Variants in GREB1L observed in about 807,000 individuals in gnomAD.
GREB1L encodes the protein GREB1 like retinoic acid receptor coactivator, also known as GREB1-like protein.
GREB1L carries 17 observed loss-of-function variants against 200.8 expected under a neutral mutation model. The ratio of observed to expected loss-of-function variants is 0.08; its 90% CI spans 0.06 to 0.13. The LOEUF is 0.13. Ranked by LOEUF, GREB1L falls within the 10% of genes least tolerant of loss-of-function variation. The probability of loss-of-function intolerance (pLI) is 1.00; values close to 1 mark genes in which losing one functional copy is unlikely to be tolerated. For missense variants in GREB1L, 1,657 were observed against 2,367.7 expected (o/e 0.70, Z 6.23); for synonymous variants, 789 against 893.0 (o/e 0.88, Z 2.08).
chr18:21,253,369 G>C (rs2037745273), intron 1 of GREB1L, among the ~76,000 whole-genome samples: 2 of 149,550 alleles, frequency 1.3e-5, no homozygotes, highest in Middle Eastern at 3.5e-3. Flanking sequence ...TCTAATCCCA[G>C]CCTCCTTAGT....
intron 7 of GREB1L, among the ~76,000 whole-genome samples, chr18:21,418,500 G>GT (rs2031856875): frequency 6.6e-6 from 1 of 151,556 alleles, no homozygotes; most frequent in African/African-American, 2.4e-5. Flanking sequence ...TATTTTTATT[G>GT]TTTTTTAAAA....
chr18:21,303,474 C>T (rs367792588), intron 1 of GREB1L, among the ~76,000 whole-genome samples: 12 of 152,046 alleles, frequency 7.9e-5, no homozygotes, highest in African/African-American at 1.9e-4. Context: ...AACATTTTTC[C>T]GGAGACTTTA....
At chr18:21,416,943 C>G (rs904224951) in intron 7 of GREB1L, among the ~76,000 whole-genome samples, 1 of 151,958 alleles carries the variant, frequency 6.6e-6, no homozygotes, top group Admixed American at 6.6e-5. Flanking sequence ...AGGAGAATCA[C>G]TGGGAGGCAG....
Position 21,490,316 on chromosome 18 carries a change from C to A in GREB1L, c.2995C>A (p.Leu999Ile). ...CATCCTTGGGAACCCGGCCACCGAA[C>A]TCAGTGTTGCAACTCACTTTGTGGC... ...EIILGNPATE[L>I]SVATHFVARL... The change falls in exon 19 of 33, where the codon CTC (leucine) becomes ATC (isoleucine). Residue 999 changes from leucine to isoleucine, a missense_variant. Transcript: ENST00000424526. 2 of 1,551,796 alleles carry A rather than the reference C, an allele frequency of 1.3e-6. No homozygotes were observed. The highest frequency in any genetic ancestry group is 1.7e-6 in the Non-Finnish European group (2 of 1,146,932).
Position 21,244,568 on chromosome 18 carries a change from G to C in GREB1L, c.-120+2175G>C, listed in dbSNP as rs78280153. Among the ~76,000 whole-genome samples, 1,226 of 152,240 alleles carry C rather than the reference G, an allele frequency of 8.1e-3. 20 individuals carry two copies. Among genetic ancestry groups the C allele is most frequent in the African/African-American group, 0.027 (1,113 of 41,550 alleles). ...GGTCCTTCGAACTCCAGAGTTCTAC[G>C]ATTAAAATAGTTGTCCTAAAACTGG... On this transcript the variant is annotated intron_variant, in intron 1 of 32. Transcript: ENST00000424526.
intron 1 of GREB1L, among the ~76,000 whole-genome samples, chr18:21,279,784 T>TGAG (rs2038237440): frequency 1.3e-5 from 2 of 152,304 alleles, no homozygotes; most frequent in East Asian, 3.9e-4. Flanking sequence ...TAGCTGGGAC[T>TGAG]ACAGGTGCAT....
intron 1 of GREB1L, among the ~76,000 whole-genome samples, chr18:21,297,030 G>A (rs2038540593): frequency 6.6e-6 from 1 of 152,110 alleles, no homozygotes. Context: ...CCGAGGTGAG[G>A]GACCATTGCT....
chr18:21,389,738 A>T (rs1351318961), intron 4 of GREB1L, among the ~76,000 whole-genome samples: 1 of 152,186 alleles, frequency 6.6e-6, no homozygotes, highest in Admixed American at 6.5e-5. Flanking sequence ...GCTCAGCAGA[A>T]ATGTCAGTCT....
intron 1 of GREB1L, among the ~76,000 whole-genome samples, chr18:21,305,098 C>T (rs552773801): frequency 4.7e-4 from 71 of 152,206 alleles, no homozygotes; most frequent in Non-Finnish European, 6.5e-4. Flanking sequence ...GCCTCAGCCT[C>T]CCGAGTAGCT....
At chr18:21,284,178 A>AT (rs1448589500) in intron 1 of GREB1L, among the ~76,000 whole-genome samples, 1 of 152,194 alleles carries the variant, frequency 6.6e-6, no homozygotes, top group African/African-American at 2.4e-5. Flanking sequence ...AAAAAGCTCT[A>AT]TTGAGCTATA....
intron 2 of GREB1L, among the ~76,000 whole-genome samples, chr18:21,374,944 T>C (rs574731494): frequency 1.4e-4 from 21 of 151,174 alleles, no homozygotes; most frequent in Middle Eastern, 3.4e-3. Flanking sequence ...CCTCAACTTC[T>C]GGGCTCAAGC....
chr18:21,506,039 C>G, intron 25 of GREB1L, 90 bp downstream of exon 25: 1 of 1,300,232 alleles, frequency 7.7e-7, no homozygotes, highest in East Asian at 2.6e-5. Context: ...AATAAGGCCC[C>G]TAGTTTCAGG....
intron 2 of GREB1L, among the ~76,000 whole-genome samples, chr18:21,375,945 T>A (rs2040053507): frequency 6.6e-6 from 1 of 152,170 alleles, no homozygotes; most frequent in Admixed American, 6.5e-5. Context: ...CAGCTACTAT[T>A]ATATTAACTG....
At chr18:21,456,539 A>G (rs1226610991) in intron 15 of GREB1L, among the ~76,000 whole-genome samples, 2 of 151,910 alleles carry the variant, frequency 1.3e-5, no homozygotes, top group Non-Finnish European at 2.9e-5. Flanking sequence ...CTGACAGTAC[A>G]TTTTTCCCTG....
intron 1 of GREB1L, among the ~76,000 whole-genome samples, chr18:21,288,586 T>C (rs1348985794): frequency 6.6e-6 from 1 of 152,264 alleles, no homozygotes; most frequent in East Asian, 1.9e-4. Flanking sequence ...TACAGATTTT[T>C]TGAAATAACT....
chr18:21,383,387 A>G, intron 2 of GREB1L, 123 bp from the exon 3 acceptor site: 3 of 703,554 alleles, frequency 4.3e-6, no homozygotes, highest in South Asian at 2.4e-5. Context: ...TGGGTAGTTC[A>G]TATATTTCAC....
intron 4 of GREB1L, among the ~76,000 whole-genome samples, chr18:21,390,356 A>G (rs1239543286): frequency 6.6e-6 from 1 of 152,058 alleles, no homozygotes; most frequent in Non-Finnish European, 1.5e-5. Context: ...ATTCCAGAAG[A>G]TGGCATTATT....
At chr18:21,260,273 A>C (rs1336036993) in intron 1 of GREB1L, among the ~76,000 whole-genome samples, 2 of 152,006 alleles carry the variant, frequency 1.3e-5, no homozygotes, top group Non-Finnish European at 2.9e-5. Flanking sequence ...TTAAAAAACA[A>C]TAGACAAAAT....
At chr18:21,517,290 C>T (rs986962442) in intron 30 of GREB1L, among the ~76,000 whole-genome samples, 1 of 152,168 alleles carries the variant, frequency 6.6e-6, no homozygotes, top group African/African-American at 2.4e-5. Context: ...AGCCTTAAAT[C>T]TAAGTTTCTT....
Sources: allele counts gnomAD v4.1 joint callset (sites outside exome capture counted in the v4.1 genomes callset), GRCh38; gene constraint gnomAD v4.1.1; transcripts MANE v1.5; gene names NCBI Gene and HGNC (gene_info 2026-07-23, HGNC 2026-07-21).